Variants in MBOAT1 observed in about 807,000 individuals in gnomAD.
MBOAT1 encodes membrane-bound glycerophospholipid O-acyltransferase 1.
A neutral mutation model predicts 64.4 loss-of-function variants in MBOAT1; 67 were observed. The ratio of observed to expected loss-of-function variants is 1.04; its 90% CI spans 0.85 to 1.27. The LOEUF is 1.27. Ranked by LOEUF, MBOAT1 falls within the 50% of genes most tolerant of loss-of-function variation. The pLI is 0.00. For synonymous variants in MBOAT1, 229 were observed against 218.9 expected (o/e 1.05, Z -0.41); for missense variants, 563 against 604.6 (o/e 0.93, Z 0.72).
Position 20,201,457 on chromosome 6 carries a change from A to G in MBOAT1, c.99+10679T>C, listed in dbSNP as rs146715867. ...GACTATCTCTGAAATCATGCAACTAAACCATGGAAATCTGGCCAGCTGGAA... is the reference window on the plus strand; with the variant it reads ...GACTATCTCTGAAATCATGCAACTAGACCATGGAAATCTGGCCAGCTGGAA... On this transcript the variant is annotated intron_variant, in intron 1 of 12. Transcript: ENST00000324607. 5.9e-5 allele frequency among the ~76,000 whole-genome samples: 9 copies of G among 152,328 alleles called. No homozygotes were observed. In the East Asian group the frequency reaches 1.7e-3, roughly 29 times the overall value.
rs1440942042 is a variant in MBOAT1 at position 20,147,650 on chromosome 6, AAAAG to A, written c.324-3339_324-3336del. On this transcript the variant is annotated intron_variant, in intron 3 of 12. Transcript: ENST00000324607. ...GCAAACTCCGTCTCAAAAAAAAAAA[AAAAG>A]AGACTGACACATCAGACATGGTGGT... is the stretch of plus-strand genomic sequence containing the variant. Among the ~76,000 whole-genome samples, 14 of 152,070 alleles carry A rather than the reference AAAAG, an allele frequency of 9.2e-5. 1 individual carries two copies. The highest frequency in any genetic ancestry group is 1.8e-4 in the Non-Finnish European group (12 of 68,018).
intron 1 of MBOAT1, among the ~76,000 whole-genome samples, chr6:20,164,239 T>G (rs763601799): frequency 6.6e-6 from 1 of 151,894 alleles, no homozygotes; most frequent in Non-Finnish European, 1.5e-5. Flanking sequence ...CTGAAATTTT[T>G]CCTGTGGCTC....
chr6:20,211,966 G>GA, intron 1 of MBOAT1, 170 bp downstream of exon 1: 1 of 344,010 alleles, frequency 2.9e-6, no homozygotes, highest in South Asian at 4.0e-5. Context: ...CTCAAGAAGG[G>GA]AAAACACACA....
chr6:20,101,193 CATG>C lies in MBOAT1; in HGVS notation c.*1090_*1092del, dbSNP rs1759777113. 6.6e-6 allele frequency among the ~76,000 whole-genome samples: 1 copy of C among 152,264 alleles called. No individual in the cohort carries two copies. The highest frequency in any genetic ancestry group is 2.1e-4 in the South Asian group (1 of 4,820). ...AAGGCATTCTGCTGCCTTTCTGAGG[CATG>C]AACATTTGGGTGTCTTCTCAAGACC... On this transcript the variant is annotated 3_prime_UTR_variant, in exon 13 of 13. Coordinates refer to ENST00000324607, the MANE Select transcript of MBOAT1 (RefSeq NM_001080480.3).
In MBOAT1 at chr6:20,118,470, A is replaced by AT. The variant is rs1760395892; in HGVS notation, c.977dup (p.Asp326GlufsTer12). On this transcript the variant is annotated frameshift_variant, in exon 9 of 13. Coordinates refer to ENST00000324607, the MANE Select transcript of MBOAT1 (RefSeq NM_001080480.3). LOFTEE classifies it high-confidence loss of function. ...TCCAGATGTTTAGGTTCGAAAGCAG[A>AT]TCCCAACAGAAATTCCCATTCTTAT... is the stretch of plus-strand genomic sequence containing the variant. 1 of 1,613,966 alleles carries AT rather than the reference A, an allele frequency of 6.2e-7. No homozygotes were observed. Among genetic ancestry groups the AT allele is most frequent in the Admixed American group, 1.7e-5 (1 of 60,004 alleles).
At chr6:20,163,679 C>A (rs947977816) in intron 1 of MBOAT1, among the ~76,000 whole-genome samples, 1 of 152,178 alleles carries the variant, frequency 6.6e-6, no homozygotes, top group Non-Finnish European at 1.5e-5. Context: ...CGAGCCAGTA[C>A]GTGACCTGGC....
At chr6:20,119,623 C>T (rs62404795) in intron 8 of MBOAT1, among the ~76,000 whole-genome samples, 22,731 of 152,132 alleles carry the variant, frequency 0.15, 2,227 homozygotes, top group East Asian at 0.41. Context: ...GCTTATCTTA[C>T]GCTTGGCTTC....
intron 12 of MBOAT1, among the ~76,000 whole-genome samples, chr6:20,106,721 C>T (rs1189267275): frequency 6.6e-6 from 1 of 152,166 alleles, no homozygotes; most frequent in Non-Finnish European, 1.5e-5. Context: ...CGCGCCCGAC[C>T]ATCATAGAAA....
intron 1 of MBOAT1, among the ~76,000 whole-genome samples, chr6:20,194,214 T>A (rs1402732016): frequency 1.3e-5 from 2 of 152,226 alleles, no homozygotes; most frequent in African/African-American, 4.8e-5. Flanking sequence ...AGAGTTCCCA[T>A]ATATTCTGCA....
intron 4 of MBOAT1, among the ~76,000 whole-genome samples, chr6:20,134,977 CA>C (rs1034526216): frequency 8.2e-6 from 1 of 122,570 alleles, no homozygotes; most frequent in Non-Finnish European, 1.7e-5. Flanking sequence ...ACAGGAAGGA[CA>C]AAAAAAGGAG....
chr6:20,161,434 C>T (rs1256967141), intron 1 of MBOAT1, among the ~76,000 whole-genome samples: 2 of 151,884 alleles, frequency 1.3e-5, no homozygotes, highest in African/African-American at 4.8e-5. Flanking sequence ...CATCCCCATC[C>T]CCCACCCCCA....
intron 1 of MBOAT1, among the ~76,000 whole-genome samples, chr6:20,201,546 C>T (rs1763123425): frequency 6.6e-6 from 1 of 150,840 alleles, no homozygotes; most frequent in Admixed American, 6.6e-5. Context: ...CTTATGACTT[C>T]GATAGTAAGT....
intron 1 of MBOAT1, among the ~76,000 whole-genome samples, chr6:20,184,589 C>T (rs762730478): frequency 2.0e-5 from 3 of 152,004 alleles, no homozygotes; most frequent in African/African-American, 4.8e-5. Context: ...AGCGTGTCTC[C>T]CCACAACCAT....
At chr6:20,168,095 A>C (rs1762061977) in intron 1 of MBOAT1, among the ~76,000 whole-genome samples, 2 of 152,196 alleles carry the variant, frequency 1.3e-5, no homozygotes, top group Non-Finnish European at 1.5e-5. Flanking sequence ...AAACTCAATC[A>C]GCCCATCTTC....
At chr6:20,145,775 G>A in intron 3 of MBOAT1, among the ~76,000 whole-genome samples, 1 of 152,150 alleles carries the variant, frequency 6.6e-6, no homozygotes, top group East Asian at 1.9e-4. Flanking sequence ...TCTTCTGACT[G>A]CAATTCCCAT....
intron 1 of MBOAT1, 59 bp downstream of exon 1, chr6:20,212,077 C>T (rs1763445150): frequency 1.3e-6 from 2 of 1,513,804 alleles, no homozygotes; most frequent in African/African-American, 1.4e-5. Flanking sequence ...CACTTTCGCC[C>T]GCCCCGTGCA....
Position 20,118,336 on chromosome 6 carries a change from T to C in MBOAT1, c.1011+101A>G, listed in dbSNP as rs1581400892. 4.3e-6 allele frequency: 4 copies of C among 921,792 alleles called. No homozygotes were observed. In the East Asian group the frequency reaches 1.0e-4, roughly 24 times the overall value. 57.1% of individuals were successfully genotyped at this position (921,792 alleles called of 1,614,324 possible). On this transcript the variant is annotated intron_variant, in intron 9 of 12. Transcript: ENST00000324607. ...GCCTGGCAATTCCCTGAGAGCAGCT[T>C]TTCTTTGGACACATGGATGAAGCAT...
Position 20,128,744 on chromosome 6 carries a change from C to T in MBOAT1, c.485G>A (p.Arg162Gln), listed in dbSNP as rs113970071. Residue 162 changes from arginine to glutamine, a missense_variant, in exon 6 of 13, where the codon CGA becomes CAA. By Grantham distance (43) the Arg-to-Gln change is conservative. Coordinates refer to ENST00000324607, the MANE Select transcript of MBOAT1 (RefSeq NM_001080480.3). ...LAFQVHDGLG[R>Q]RAEDLSAEQH... Reference sequence around the variant, plus strand: ...TTCAGCAGAAAGGTCTTCAGCTCTTCGACCTAATCCTATGAAAAAGAAAAG... The same window carrying T: ...TTCAGCAGAAAGGTCTTCAGCTCTTTGACCTAATCCTATGAAAAAGAAAAG... The T allele has an allele frequency of 1.9e-5, 30 of 1,601,692 alleles. No individual in the cohort carries two copies. The East Asian group carries it at 3.8e-4, about 20-fold the overall frequency.
chr6:20,112,655 C>T (rs1448122221), intron 11 of MBOAT1, among the ~76,000 whole-genome samples: 1 of 152,180 alleles, frequency 6.6e-6, no homozygotes, highest in Non-Finnish European at 1.5e-5. Context: ...GTTTCACGAA[C>T]TACGAACATA....
Sources: allele counts gnomAD v4.1 joint callset (sites outside exome capture counted in the v4.1 genomes callset), GRCh38; gene constraint gnomAD v4.1.1; transcripts MANE v1.5; gene names NCBI Gene and HGNC (gene_info 2026-07-23, HGNC 2026-07-21).